The following SPTA1 variants were observed in gnomAD, a reference collection of about 807,000 sequenced individuals.
SPTA1 encodes spectrin alpha, erythrocytic 1.
In SPTA1, 177 loss-of-function variants were observed where a neutral mutation model predicts 324.7. The observed-to-expected ratio is 0.55, with a 90% CI of 0.48 to 0.62. The LOEUF is 0.62. Among genes scored for constraint, SPTA1 ranks in the 20% least tolerant of loss-of-function variants. The probability of loss-of-function intolerance (pLI) is 0.00; values close to 1 mark genes in which losing one functional copy is unlikely to be tolerated. For synonymous variants in SPTA1, 1,195 were observed against 1,041.3 expected, an observed-to-expected ratio of 1.15 and a Z score of -2.84; for missense variants, 3,162 against 2,883.6, an observed-to-expected ratio of 1.10 and a Z score of -2.21.
chr1:158,621,487 T>A (rs182811923), intron 43 of SPTA1, among the ~76,000 whole-genome samples: 4 of 152,200 alleles, frequency 2.6e-5, no homozygotes. Flanking sequence ...CAGAAACCTA[T>A]AAAGTATTTA....
intron 38 of SPTA1, 77 bp from the exon 39 acceptor site, chr1:158,634,752 C>T: frequency 3.9e-6 from 6 of 1,558,398 alleles, no homozygotes; most frequent in Non-Finnish European, 5.3e-6. Flanking sequence ...GTGGCACAAT[C>T]TCATTCAGGC....
At position 158,615,224 on chromosome 1, in the gene SPTA1, G is replaced by A. The variant is rs1649481114; in HGVS notation, c.6780C>T (p.Ile2260=). ...LRMQHNLEQQ[I]QAKDIKGVSE... Reference sequence around the variant, plus strand: ...CCACACGCCCTCAATACTTGGCCTGGATCTGTTGCTCCAGGTTGTGTTGCA... The same window carrying A: ...CCACACGCCCTCAATACTTGGCCTGAATCTGTTGCTCCAGGTTGTGTTGCA... Residue 2260 remains isoleucine (I), a synonymous_variant, in exon 48 of 52, where the codon ATC becomes ATT. Coordinates refer to ENST00000643759, the MANE Select transcript of SPTA1 (RefSeq NM_003126.4). The A allele has an allele frequency of 1.9e-6, 3 of 1,613,096 alleles. No individual in the cohort carries two copies. The highest frequency in any genetic ancestry group is 2.2e-5 in the South Asian group (2 of 91,036).
At chr1:158,634,084 A>G (rs549334099) in intron 39 of SPTA1, among the ~76,000 whole-genome samples, 4 of 152,216 alleles carry the variant, frequency 2.6e-5, no homozygotes, top group Non-Finnish European at 4.4e-5. Flanking sequence ...ATTTAAAAGG[A>G]TGTCTATAAA....
intron 39 of SPTA1, among the ~76,000 whole-genome samples, chr1:158,632,611 C>G (rs1321247701): frequency 1.3e-5 from 2 of 152,126 alleles, no homozygotes; most frequent in African/African-American, 2.4e-5. Flanking sequence ...AATGAGGTAT[C>G]ACTATATATC....
intron 33 of SPTA1, among the ~76,000 whole-genome samples, chr1:158,642,149 G>A (rs560494341): frequency 7.2e-5 from 11 of 152,118 alleles, no homozygotes; most frequent in African/African-American, 2.4e-4. Flanking sequence ...TCACACACCA[G>A]GGACTGTTGT....
chr1:158,619,930 G>A (rs896930600), intron 44 of SPTA1, among the ~76,000 whole-genome samples: 1 of 152,124 alleles, frequency 6.6e-6, no homozygotes, highest in African/African-American at 2.4e-5. Flanking sequence ...TGGGGCTTCT[G>A]TTTGCTTCTC....
intron 51 of SPTA1, chr1:158,612,588 G>A: frequency 3.7e-6 from 2 of 546,360 alleles, no homozygotes; most frequent in African/African-American, 1.9e-5. Context: ...TAAAAACTGA[G>A]TTGCAGATTT....
intron 45 of SPTA1, 114 bp downstream of exon 45, chr1:158,619,108 T>C (rs963090800): frequency 1.2e-5 from 12 of 1,037,286 alleles, no homozygotes; most frequent in Non-Finnish European, 1.7e-5. Flanking sequence ...ATGGGGATTT[T>C]AGGGCAGAAT....
rs979414861 is a variant in SPTA1 at position 158,672,128 on chromosome 1, C to T, written c.1419G>A (p.Glu473=). ...AGAAGAGATGAAAGTCCAAGCACTGCTCATACTGACGATGACGCTCGTCCC... is the reference window on the plus strand; with the variant it reads ...AGAAGAGATGAAAGTCCAAGCACTGTTCATACTGACGATGACGCTCGTCCC... The part of the protein sequence containing the change: ...ELWDERHRQY[E]QCLDFHLFYR... The change falls in exon 11 of 52, where the codon GAG becomes GAA. Residue 473 remains glutamate (E), a synonymous_variant. Transcript: ENST00000643759. The T allele has an allele frequency of 6.2e-7, 1 of 1,614,094 alleles. No individual in the cohort carries two copies. The highest frequency in any genetic ancestry group is 2.2e-5 in the East Asian group (1 of 44,874).
At chr1:158,656,447 A>G in intron 20 of SPTA1, 117 bp downstream of exon 20, 2 of 900,268 alleles carry the variant, frequency 2.2e-6, no homozygotes, top group Non-Finnish European at 3.7e-6. Flanking sequence ...CATAGAACTT[A>G]GTGTTTTCTT....
intron 42 of SPTA1, 87 bp from the exon 43 acceptor site, chr1:158,623,279 T>A (rs1228690549): frequency 9.0e-7 from 1 of 1,105,410 alleles, no homozygotes; most frequent in African/African-American, 1.5e-5. Context: ...TAATCATAGA[T>A]AAGGCTAGGC....
chr1:158,627,633 G>A lies in SPTA1; in HGVS notation c.5656C>T (p.Leu1886=). Reference sequence around the variant, plus strand: ...TTCCTGAACTAGCTCACCTTATTTAGGATGTCTTCTCCTTGTGCACACACA... The same window carrying A: ...TTCCTGAACTAGCTCACCTTATTTAAGATGTCTTCTCCTTGTGCACACACA... ...QNVCAQGEDI[L]NKVLQEESQN... Residue 1886 remains leucine (L), a synonymous_variant, in exon 40 of 52, where the codon CTA becomes TTA. Coordinates refer to ENST00000643759, the MANE Select transcript of SPTA1 (RefSeq NM_003126.4). The A allele has an allele frequency of 6.2e-7, 1 of 1,613,436 alleles. No individual in the cohort carries two copies. The highest frequency in any genetic ancestry group is 1.7e-5 in the Admixed American group (1 of 59,998).
At chr1:158,628,159 C>G (rs937288449) in intron 39 of SPTA1, among the ~76,000 whole-genome samples, 1 of 152,122 alleles carries the variant, frequency 6.6e-6, no homozygotes, top group African/African-American at 2.4e-5. Context: ...CTGCCACTGA[C>G]GATTACTCCA....
At chr1:158,667,785 A>G in intron 15 of SPTA1, 73 bp downstream of exon 15, 1 of 1,502,090 alleles carries the variant, frequency 6.7e-7, no homozygotes, top group Non-Finnish European at 9.1e-7. Flanking sequence ...AGATAAATTT[A>G]CAGTGGTAAA....
At position 158,642,731 on chromosome 1, in the gene SPTA1, G is replaced by T. The variant is rs1452822954; in HGVS notation, c.4605+83C>A. ...GCATGGTAGCCTCAACAGTCAGAAA[G>T]TGTTAAAGTATCAAGGGTGATGACT... On this transcript the variant is annotated intron_variant, in intron 32 of 51. Coordinates refer to ENST00000643759, the MANE Select transcript of SPTA1 (RefSeq NM_003126.4). The T allele has an allele frequency of 3.1e-6, 5 of 1,605,816 alleles. No individual in the cohort carries two copies. In the Admixed American group the frequency reaches 6.7e-5, roughly 21 times the overall value.
chr1:158,643,075 C>T (rs1651733882), intron 31 of SPTA1, 99 bp from the exon 32 acceptor site: 2 of 1,496,658 alleles, frequency 1.3e-6, no homozygotes, highest in South Asian at 2.4e-5. Context: ...TGCCTCTTTT[C>T]TTCTCACATA....
At chr1:158,629,437 A>G (rs898442131) in intron 39 of SPTA1, among the ~76,000 whole-genome samples, 3 of 151,930 alleles carry the variant, frequency 2.0e-5, no homozygotes, top group Non-Finnish European at 4.4e-5. Flanking sequence ...ATAGAACTAA[A>G]TCATCATCTC....
At chr1:158,677,609 G>A (rs751387709) in intron 7 of SPTA1, 81 bp downstream of exon 7, 31 of 1,550,330 alleles carry the variant, frequency 2.0e-5, no homozygotes, top group East Asian at 6.9e-5. Context: ...TGTGCTCTCT[G>A]GAGGCACGGT....
chr1:158,672,149 G>C lies in SPTA1; in HGVS notation c.1398C>G (p.Asp466Glu), dbSNP rs763562631. ...ACTGCTCATACTGACGATGACGCTC[G>C]TCCCACAGTTCCAGCAGGGCAGTCC... ...NNWTALLELW[D>E]ERHRQYEQCL... Residue 466 changes from aspartate to glutamate, a missense_variant, in exon 11 of 52, where the codon GAC (aspartate) becomes GAG (glutamate). By Grantham distance (45) the Asp-to-Glu change is conservative. Transcript: ENST00000643759. The C allele has an allele frequency of 6.2e-7, 1 of 1,614,024 alleles. No homozygotes were observed. The highest frequency in any genetic ancestry group is 8.5e-7 in the Non-Finnish European group (1 of 1,179,960).
Sources: gnomAD v4.1 joint callset for allele counts (sites outside exome capture counted in the v4.1 genomes callset) on GRCh38, gnomAD v4.1.1 for gene constraint, MANE v1.5 for transcripts, NCBI Gene and HGNC (gene_info 2026-07-23, HGNC 2026-07-21) for gene names.